KCNN2: variants seen among roughly 807,000 people sequenced by gnomAD.
KCNN2 encodes the protein potassium calcium-activated channel subfamily N member 2, also known as small conductance calcium-activated potassium channel protein 2.
KCNN2 carries 24 observed loss-of-function variants against 55.5 expected under a neutral mutation model. That is an observed-to-expected ratio of 0.43 (90% confidence interval 0.31 to 0.61). The LOEUF is 0.61. Among genes scored for constraint, KCNN2 ranks in the 20% least tolerant of loss-of-function variants. The pLI is 0.08. For synonymous variants in KCNN2, 431 were observed against 336.1 expected (o/e 1.28, Z -3.09); for missense variants, 754 against 853.6 (o/e 0.88, Z 1.45).
At chr5:114,379,881 A>G (rs1012161504) in intron 2 of KCNN2, among the ~76,000 whole-genome samples, 11 of 146,790 alleles carry the variant, frequency 7.5e-5, no homozygotes, top group Non-Finnish European at 1.0e-4. Flanking sequence ...ATAAATATAT[A>G]GCATAATTAT....
At chr5:114,294,678 G>T (rs1755969916) in intron 2 of KCNN2, among the ~76,000 whole-genome samples, 1 of 152,094 alleles carries the variant, frequency 6.6e-6, no homozygotes, top group African/African-American at 2.4e-5. Context: ...TATTGATTTG[G>T]GGTGGAGAGT....
At chr5:114,257,800 A>C (rs1561543398) in intron 2 of KCNN2, among the ~76,000 whole-genome samples, 1 of 151,906 alleles carries the variant, frequency 6.6e-6, no homozygotes, top group South Asian at 2.1e-4. Context: ...AGCAGAGATA[A>C]TTTTACTTAT....
intron 2 of KCNN2, among the ~76,000 whole-genome samples, chr5:114,345,897 C>T (rs975049857): frequency 2.0e-4 from 31 of 152,278 alleles, no homozygotes; most frequent in African/African-American, 7.0e-4. Flanking sequence ...TCTTCTGCCT[C>T]GGCATCCCGA....
At chr5:114,274,271 G>A (rs535068834) in intron 2 of KCNN2, among the ~76,000 whole-genome samples, 71 of 152,264 alleles carry the variant, frequency 4.7e-4, no homozygotes, top group African/African-American at 1.6e-3. Context: ...CAGGTAGCAT[G>A]ATGCCTCCAG....
At chr5:114,322,442 CTGTT>C (rs1756630555) in intron 2 of KCNN2, among the ~76,000 whole-genome samples, 1 of 152,126 alleles carries the variant, frequency 6.6e-6, no homozygotes, top group African/African-American at 2.4e-5. Context: ...ATAGTCATAT[CTGTT>C]TATTTTATGT....
chr5:114,257,576 G>T (rs1452590640), intron 2 of KCNN2, among the ~76,000 whole-genome samples: 2 of 151,992 alleles, frequency 1.3e-5, no homozygotes, highest in African/African-American at 4.8e-5. Flanking sequence ...CACCTCATTG[G>T]ATAAGTGTAT....
chr5:114,444,638 GT>G (rs1195260413), intron 3 of KCNN2, among the ~76,000 whole-genome samples: 1 of 152,114 alleles, frequency 6.6e-6, no homozygotes, highest in African/African-American at 2.4e-5. Context: ...ACTTCAACTT[GT>G]GTGATTTGAT....
chr5:114,466,990 AAAC>A (rs1761483326), intron 4 of KCNN2, among the ~76,000 whole-genome samples: 1 of 152,230 alleles, frequency 6.6e-6, no homozygotes, highest in Admixed American at 6.5e-5. Context: ...AGGAGCAAAA[AAAC>A]AAGTCAGTTC....
intron 1 of KCNN2, among the ~76,000 whole-genome samples, chr5:114,126,379 G>A (rs542186863): frequency 6.6e-6 from 1 of 152,176 alleles, no homozygotes; most frequent in African/African-American, 2.4e-5. Context: ...ATGGCAGAAG[G>A]GGAAGCAAAC....
chr5:114,207,416 A>G (rs942414788), intron 1 of KCNN2, among the ~76,000 whole-genome samples: 1 of 152,238 alleles, frequency 6.6e-6, no homozygotes, highest in African/African-American at 2.4e-5. Context: ...TGTTCAGGTC[A>G]TCGCACACAT....
At chr5:114,150,648 A>C (rs776136374) in intron 1 of KCNN2, among the ~76,000 whole-genome samples, 1 of 152,178 alleles carries the variant, frequency 6.6e-6, no homozygotes, top group African/African-American at 2.4e-5. Context: ...TCCTGTGACA[A>C]GAAGTCAAAT....
intron 1 of KCNN2, among the ~76,000 whole-genome samples, chr5:114,073,099 T>C (rs75484689): frequency 0.011 from 1,654 of 152,272 alleles, 15 homozygotes; most frequent in Non-Finnish European, 0.017. Context: ...AAATCAAAGA[T>C]TGTTGTAATA....
At position 114,362,578 on chromosome 5, in the gene KCNN2, T is replaced by G. The variant is rs1757463247; in HGVS notation, c.439T>G (p.Ser147Ala). The change falls in exon 1 of 8, where the codon TCC (serine) becomes GCC (alanine). Residue 147 changes from serine to alanine, a missense_variant. By Grantham distance (99) the Ser-to-Ala change is moderately conservative. This residue lies in a region of KCNN2 where 381 missense variants were observed against 259.1 expected (regional missense o/e 1.47). Transcript: ENST00000673685. ...GCTCCGGCAGCAGTACGCGCAGCAG[T>G]CCGCGCAGCAGTCGGCGTCCGCCTC... ...SALRQQYAQQSAQQSASASQY... is the reference protein window; with the variant it reads ...SALRQQYAQQAAQQSASASQY... The G allele has an allele frequency of 1.5e-6, 1 of 686,430 alleles. No individual in the cohort carries two copies. The highest frequency in any genetic ancestry group is 3.1e-5 in the East Asian group (1 of 32,478). The allele number at this position is 686,430 out of a possible 1,614,324, so 42.5% of individuals were successfully genotyped here.
chr5:114,184,012 G>T (rs569998147), intron 1 of KCNN2, among the ~76,000 whole-genome samples: 1 of 152,180 alleles, frequency 6.6e-6, no homozygotes, highest in Non-Finnish European at 1.5e-5. Flanking sequence ...GATAATGCAA[G>T]AGTTAGAATG....
chr5:114,322,600 C>CACACACACACACAT (rs1329485806), intron 2 of KCNN2, among the ~76,000 whole-genome samples: 1 of 151,142 alleles, frequency 6.6e-6, no homozygotes, highest in Non-Finnish European at 1.5e-5. Context: ...CACACACACA[C>CACACACACACACAT]ACACATACAC....
intron 3 of KCNN2, among the ~76,000 whole-genome samples, chr5:114,413,187 TA>T (rs1466871189): frequency 3.3e-5 from 5 of 152,226 alleles, no homozygotes; most frequent in African/African-American, 1.2e-4. Context: ...AATTGGTCAT[TA>T]AAGTCTTTTA....
At chr5:114,444,467 C>G (rs1760328228) in intron 3 of KCNN2, among the ~76,000 whole-genome samples, 1 of 152,076 alleles carries the variant, frequency 6.6e-6, no homozygotes. Flanking sequence ...GAAACTACTT[C>G]AGCTGGAGCT....
chr5:114,143,125 T>A (rs1437682194), intron 1 of KCNN2, among the ~76,000 whole-genome samples: 1 of 152,238 alleles, frequency 6.6e-6, no homozygotes, highest in East Asian at 1.9e-4. Context: ...TATACCAGCA[T>A]TTATTATTAA....
At chr5:114,377,532 C>A (rs963803253) in intron 2 of KCNN2, among the ~76,000 whole-genome samples, 2 of 152,162 alleles carry the variant, frequency 1.3e-5, no homozygotes, top group African/African-American at 4.8e-5. Context: ...CTGGCTGGGC[C>A]TGTCACTGTC....
Sources: gnomAD v4.1 joint callset for allele counts (sites outside exome capture counted in the v4.1 genomes callset) on GRCh38, gnomAD v4.1.1 for gene constraint, gnomAD v4.1.1 regional missense constraint, MANE v1.5 for transcripts, NCBI Gene and HGNC (gene_info 2026-07-23, HGNC 2026-07-21) for gene names.